Variants in NAV2 observed in about 807,000 individuals in gnomAD.
NAV2 encodes the protein helicase, APC down-regulated 1.
Under a neutral mutation model 223.2 loss-of-function variants are expected in NAV2, and 54 were observed. The observed-to-expected ratio is 0.24, with a 90% confidence interval of 0.19 to 0.30. The LOEUF (loss-of-function observed/expected upper bound fraction) is 0.30. Ranked by LOEUF, NAV2 falls within the 10% of genes least tolerant of loss-of-function variation. NAV2 has a pLI of 1.00. For missense variants in NAV2, 2,806 were observed against 3,147.5 expected (o/e 0.89, Z 2.60); for synonymous variants, 1,279 against 1,239.3 (o/e 1.03, Z -0.67).
intron 1 of NAV2, among the ~76,000 whole-genome samples, chr11:19,393,777 G>C (rs986899200): frequency 1.3e-5 from 2 of 151,702 alleles, no homozygotes; most frequent in African/African-American, 4.8e-5. Context: ...CTCTGTGCCT[G>C]GTTATTTTTC....
At chr11:19,508,934 A>T (rs1332678281) in intron 1 of NAV2, among the ~76,000 whole-genome samples, 1 of 152,226 alleles carries the variant, frequency 6.6e-6, no homozygotes, top group Admixed American at 6.5e-5. Flanking sequence ...CTAAGTGTTC[A>T]GGAGAAAGCA....
intron 1 of NAV2, among the ~76,000 whole-genome samples, chr11:19,532,624 A>C (rs1343811779): frequency 6.6e-6 from 1 of 152,196 alleles, no homozygotes; most frequent in Non-Finnish European, 1.5e-5. Context: ...GAGGCCAAAA[A>C]GGGAGCAGGC....
intron 31 of NAV2, among the ~76,000 whole-genome samples, chr11:20,100,546 GGTGT>G (rs59857072): frequency 0.072 from 10,223 of 141,704 alleles, 391 homozygotes; most frequent in African/African-American, 0.11. Context: ...ATACTAGAGG[GGTGT>G]GTGTGTGTGT....
At chr11:19,491,772 C>A (rs1455839080) in intron 1 of NAV2, among the ~76,000 whole-genome samples, 2 of 152,180 alleles carry the variant, frequency 1.3e-5, no homozygotes, top group East Asian at 3.8e-4. Flanking sequence ...GTGCAAAAAG[C>A]CTATCTTTTA....
intron 1 of NAV2, among the ~76,000 whole-genome samples, chr11:19,621,624 C>A (rs190517841): frequency 6.6e-6 from 1 of 151,982 alleles, no homozygotes; most frequent in East Asian, 1.9e-4. Context: ...TTTTTTATTG[C>A]GTCTATTTGA....
Position 20,022,503 on chromosome 11 carries a change from T to C in NAV2, c.2769-13456T>C, listed in dbSNP as rs190963152. Reference sequence around the variant, plus strand: ...ATAATGTATGTGTGTCGTTGTTAACTGTACAAACAGGTATCATTTCCTTTT... The same window carrying C: ...ATAATGTATGTGTGTCGTTGTTAACCGTACAAACAGGTATCATTTCCTTTT... On this transcript the variant is annotated intron_variant, in intron 11 of 37. Coordinates refer to ENST00000349880, the MANE Select transcript of NAV2 (RefSeq NM_145117.5). 271 of 977,144 alleles carry C rather than the reference T, an allele frequency of 2.8e-4. 1 individual carries two copies. In the African/African-American group the frequency reaches 4.3e-3, roughly 15 times the overall value. The allele number at this position is 977,144 out of a possible 1,614,324, so 60.5% of individuals were successfully genotyped here.
chr11:19,551,007 T>A (rs2044672667), intron 1 of NAV2, among the ~76,000 whole-genome samples: 2 of 152,384 alleles, frequency 1.3e-5, no homozygotes, highest in Admixed American at 1.3e-4. Flanking sequence ...GATGGGCTAC[T>A]CTCAGCACAC....
chr11:19,476,286 T>C (rs926841028), intron 1 of NAV2, among the ~76,000 whole-genome samples: 1 of 152,208 alleles, frequency 6.6e-6, no homozygotes, highest in Non-Finnish European at 1.5e-5. Context: ...TCTTACACTA[T>C]TGTTTCTCTT....
chr11:19,992,583 C>CTTTTT (rs780559920), intron 11 of NAV2, among the ~76,000 whole-genome samples: 18 of 103,544 alleles, frequency 1.7e-4, no homozygotes, highest in African/African-American at 2.2e-4. Context: ...TCCTGAAGTA[C>CTTTTT]TTTTTTTTTT....
chr11:19,787,231 T>C (rs1056368377), intron 1 of NAV2, among the ~76,000 whole-genome samples: 21 of 150,162 alleles, frequency 1.4e-4, no homozygotes, highest in African/African-American at 5.2e-4. Context: ...GCTGAGACTA[T>C]AGGTACACAC....
chr11:19,647,589 T>C (rs2047853020), intron 1 of NAV2, among the ~76,000 whole-genome samples: 1 of 152,026 alleles, frequency 6.6e-6, no homozygotes, highest in African/African-American at 2.4e-5. Flanking sequence ...AGCAAGCAGA[T>C]GGGAGTAGCA....
intron 35 of NAV2, 87 bp from the exon 36 acceptor site, chr11:20,107,577 G>A: frequency 9.5e-7 from 1 of 1,050,380 alleles, no homozygotes; most frequent in Non-Finnish European, 1.5e-6. Flanking sequence ...GGTCCCTCCT[G>A]TGAAGGGTGC....
rs577793721 is a variant in NAV2, at chr11:19,782,517, A to G, written c.268-49967A>G. Among the ~76,000 whole-genome samples, 5 of 152,002 alleles carry G rather than the reference A, an allele frequency of 3.3e-5. No homozygotes were observed. The South Asian group carries it at 1.0e-3, about 32-fold the overall frequency. ...ATTGTTTTTGTTTTTGTGTGAAGCC[A>G]GGGAAAAAAATTGTTTTGTTTCTGG... On this transcript the variant is annotated intron_variant, in intron 1 of 37. Transcript: ENST00000349880.
At chr11:19,408,334 A>G (rs1462290917) in intron 1 of NAV2, among the ~76,000 whole-genome samples, 1 of 152,204 alleles carries the variant, frequency 6.6e-6, no homozygotes, top group African/African-American at 2.4e-5. Context: ...GGGGAACAGC[A>G]GACCCATTGA....
intron 9 of NAV2, among the ~76,000 whole-genome samples, chr11:19,947,035 AGAAGTT>A (rs2046991076): frequency 6.6e-6 from 1 of 152,242 alleles, no homozygotes; most frequent in Non-Finnish European, 1.5e-5. Context: ...TTGTTGAACA[AGAAGTT>A]GAAGAGGATG....
chr11:19,465,815 A>T (rs1053993794), intron 1 of NAV2, among the ~76,000 whole-genome samples: 1 of 152,248 alleles, frequency 6.6e-6, no homozygotes, highest in Non-Finnish European at 1.5e-5. Context: ...TAGCGGAGGC[A>T]CAGTTCAAAT....
chr11:19,641,809 A>C (rs1357052034), intron 1 of NAV2, among the ~76,000 whole-genome samples: 3 of 151,946 alleles, frequency 2.0e-5, no homozygotes, highest in Non-Finnish European at 4.4e-5. Context: ...CTCTATTGCT[A>C]TGGCTTCTAC....
At chr11:20,044,396 C>A in intron 13 of NAV2, 124 bp downstream of exon 13, 2 of 842,108 alleles carry the variant, frequency 2.4e-6, no homozygotes, top group East Asian at 2.7e-5. Flanking sequence ...TAACAACGAG[C>A]TTCCATAAAC....
intron 1 of NAV2, among the ~76,000 whole-genome samples, chr11:19,537,271 T>G (rs1322721979): frequency 6.7e-6 from 1 of 148,810 alleles, no homozygotes; most frequent in Non-Finnish European, 1.5e-5. Context: ...CAACAACTAA[T>G]AACAATAATA....
Sources: allele counts gnomAD v4.1 joint callset (sites outside exome capture counted in the v4.1 genomes callset), GRCh38; gene constraint gnomAD v4.1.1; transcripts MANE v1.5; gene names NCBI Gene and HGNC (gene_info 2026-07-23, HGNC 2026-07-21).